PCSK5: variants seen among roughly 807,000 people sequenced by gnomAD.
PCSK5 encodes prohormone convertase 5.
In PCSK5, 129 loss-of-function variants were observed where a neutral mutation model predicts 233.2. That is an observed-to-expected ratio of 0.55 (90% CI 0.48 to 0.64). The LOEUF (loss-of-function observed/expected upper bound fraction) is 0.64, where lower values mean the gene tolerates loss of function less well. Ranked by LOEUF, PCSK5 falls within the 30% of genes least tolerant of loss-of-function variation. PCSK5 has a pLI of 0.00. For missense variants in PCSK5, 2,076 were observed against 2,430.1 expected, an observed-to-expected ratio of 0.85 and a Z score of 3.06; for synonymous variants, 825 against 879.2, an observed-to-expected ratio of 0.94 and a Z score of 1.09.
chr9:75,976,235 C>T (rs1826006201), intron 2 of PCSK5, among the ~76,000 whole-genome samples: 1 of 150,190 alleles, frequency 6.7e-6, no homozygotes, highest in African/African-American at 2.5e-5. Flanking sequence ...CTGTTAATAC[C>T]CAACCCCCTA....
At chr9:76,126,625 C>A (rs1340641253) in intron 9 of PCSK5, among the ~76,000 whole-genome samples, 2 of 152,000 alleles carry the variant, frequency 1.3e-5, no homozygotes, top group African/African-American at 2.4e-5. Flanking sequence ...AAAAAAAAAC[C>A]GTTTTTTACA....
intron 5 of PCSK5, among the ~76,000 whole-genome samples, chr9:76,030,816 G>C (rs17776207): frequency 0.24 from 36,164 of 151,578 alleles, 4,509 homozygotes; most frequent in Middle Eastern, 0.31. Flanking sequence ...CACTTCCCAA[G>C]ACCCTTGTTC....
chr9:76,354,288 A>T, intron 37 of PCSK5, 69 bp downstream of exon 37: 1 of 1,265,012 alleles, frequency 7.9e-7, no homozygotes, highest in Non-Finnish European at 1.1e-6. Context: ...GAGCAGAGGG[A>T]GGGGGGGATG....
intron 8 of PCSK5, among the ~76,000 whole-genome samples, chr9:76,100,886 G>A (rs919659534): frequency 6.6e-6 from 1 of 152,076 alleles, no homozygotes; most frequent in East Asian, 1.9e-4. Context: ...TGTATTTTCT[G>A]TATGATGTTC....
chr9:76,242,693 A>T (rs1826467533), intron 24 of PCSK5, among the ~76,000 whole-genome samples: 1 of 152,204 alleles, frequency 6.6e-6, no homozygotes, highest in South Asian at 2.1e-4. Flanking sequence ...CCCATTTCAG[A>T]TGTATTTTCC....
intron 1 of PCSK5, among the ~76,000 whole-genome samples, chr9:75,898,636 G>A (rs1475353237): frequency 1.1e-4 from 15 of 142,028 alleles, no homozygotes; most frequent in Admixed American, 9.3e-4. Flanking sequence ...GCTGTTACTA[G>A]AATAAGAGAA....
chr9:76,229,788 C>T (rs147833458), intron 21 of PCSK5, among the ~76,000 whole-genome samples: 61 of 152,296 alleles, frequency 4.0e-4, no homozygotes, highest in African/African-American at 1.4e-3. Flanking sequence ...GAATACTCAG[C>T]GCCAGTGTTA....
chr9:76,295,484 C>A, intron 26 of PCSK5, 73 bp downstream of exon 26: 12 of 1,382,410 alleles, frequency 8.7e-6, no homozygotes, highest in South Asian at 1.3e-5. Flanking sequence ...GCCACAGGAG[C>A]GCACATGTGA....
At chr9:76,045,276 C>T (rs979069899) in intron 5 of PCSK5, among the ~76,000 whole-genome samples, 20 of 152,120 alleles carry the variant, frequency 1.3e-4, no homozygotes, top group Admixed American at 7.9e-4. Flanking sequence ...TGTGTGTTTT[C>T]GGAGATTAGA....
chr9:76,273,780 AT>A (rs1250307306), intron 24 of PCSK5, among the ~76,000 whole-genome samples: 7 of 150,230 alleles, frequency 4.7e-5, no homozygotes, highest in Non-Finnish European at 8.9e-5. Context: ...TTACAGGTGC[AT>A]GCTATCATAC....
intron 3 of PCSK5, among the ~76,000 whole-genome samples, chr9:76,013,470 G>A (rs947855501): frequency 1.3e-5 from 2 of 152,124 alleles, no homozygotes; most frequent in Non-Finnish European, 1.5e-5. Flanking sequence ...AAGCTGAAGC[G>A]GCTTTTACTG....
chr9:75,960,900 G>A (rs1467181785), intron 2 of PCSK5, among the ~76,000 whole-genome samples: 1 of 152,150 alleles, frequency 6.6e-6, no homozygotes, highest in Non-Finnish European at 1.5e-5. Flanking sequence ...TGGCTACCCT[G>A]TACAGTGATG....
At chr9:76,273,619 T>C (rs910348220) in intron 24 of PCSK5, among the ~76,000 whole-genome samples, 2 of 142,330 alleles carry the variant, frequency 1.4e-5, no homozygotes, top group Admixed American at 1.4e-4. Context: ...TTGAAATTAA[T>C]CATGGGGATT....
At chr9:76,258,274 TAA>T (rs1827048547) in intron 24 of PCSK5, among the ~76,000 whole-genome samples, 1 of 152,194 alleles carries the variant, frequency 6.6e-6, no homozygotes, top group South Asian at 2.1e-4. Flanking sequence ...TAATTGCTAG[TAA>T]CCTGGATCTT....
intron 5 of PCSK5, among the ~76,000 whole-genome samples, chr9:76,065,544 C>G (rs1388038806): frequency 6.7e-6 from 1 of 150,072 alleles, no homozygotes; most frequent in Non-Finnish European, 1.5e-5. Context: ...CTTATACATT[C>G]AGTTTATTAA....
intron 7 of PCSK5, among the ~76,000 whole-genome samples, chr9:76,093,241 T>G (rs982113861): frequency 6.6e-6 from 1 of 151,960 alleles, no homozygotes; most frequent in Admixed American, 6.6e-5. Flanking sequence ...ACTAGAAGCA[T>G]GCACCACCAC....
At chr9:76,027,825 T>A (rs1828493603) in intron 5 of PCSK5, among the ~76,000 whole-genome samples, 1 of 152,214 alleles carries the variant, frequency 6.6e-6, no homozygotes, top group African/African-American at 2.4e-5. Context: ...AGGATAATGC[T>A]GTAATTTAGA....
At chr9:76,217,425 C>T (rs1323391270) in intron 20 of PCSK5, among the ~76,000 whole-genome samples, 1 of 152,180 alleles carries the variant, frequency 6.6e-6, no homozygotes, top group Non-Finnish European at 1.5e-5. Flanking sequence ...ACTAGTGTGC[C>T]AGTATGTTTC....
chr9:76,046,329 C>T (rs1010193873), intron 5 of PCSK5, among the ~76,000 whole-genome samples: 88 of 150,428 alleles, frequency 5.8e-4, no homozygotes, highest in Admixed American at 9.2e-4. Context: ...AGGCGCGCGC[C>T]GCTATGCCCA....
Sources: allele counts gnomAD v4.1 joint callset (sites outside exome capture counted in the v4.1 genomes callset), GRCh38; gene constraint gnomAD v4.1.1; transcripts MANE v1.5; gene names NCBI Gene and HGNC (gene_info 2026-07-23, HGNC 2026-07-21).